The following LHFPL2 variants were observed in gnomAD, a reference collection of about 807,000 sequenced individuals.
The protein encoded by LHFPL2 is LHFPL tetraspan subfamily member 2.
A neutral mutation model predicts 17.5 loss-of-function variants in LHFPL2; 7 were observed. The ratio of observed to expected loss-of-function variants is 0.40; its 90% CI spans 0.23 to 0.75. The LOEUF is 0.75. LHFPL2 is among the 30% of genes least tolerant of loss of function. LHFPL2 has a pLI of 0.37. For synonymous variants in LHFPL2, 134 were observed against 116.2 expected (o/e 1.15, Z -0.99); for missense variants, 241 against 294.8 (o/e 0.82, Z 1.34).
At chr5:78,586,712 G>A (rs187230738) in intron 2 of LHFPL2, among the ~76,000 whole-genome samples, 9 of 151,956 alleles carry the variant, frequency 5.9e-5, no homozygotes, top group East Asian at 5.8e-4. Context: ...AAAACTTCCC[G>A]GTTTTTATAG....
intron 2 of LHFPL2, among the ~76,000 whole-genome samples, chr5:78,585,254 G>A (rs1441387037): frequency 2.1e-5 from 2 of 96,284 alleles, no homozygotes; most frequent in African/African-American, 7.5e-5. Context: ...TGATCCGCCC[G>A]CCTCGGCCTC....
intron 4 of LHFPL2, among the ~76,000 whole-genome samples, chr5:78,503,919 T>C (rs966644161): frequency 6.6e-6 from 1 of 152,234 alleles, no homozygotes; most frequent in African/African-American, 2.4e-5. Context: ...CAGCAAGTTG[T>C]AGACCTGCGT....
chr5:78,513,025 G>A (rs937994539), intron 3 of LHFPL2, among the ~76,000 whole-genome samples: 1 of 152,094 alleles, frequency 6.6e-6, no homozygotes, highest in African/African-American at 2.4e-5. Context: ...AAAGTGCTAG[G>A]ATTATAGGCG....
chr5:78,585,668 A>G (rs1743360671), intron 2 of LHFPL2, among the ~76,000 whole-genome samples: 1 of 152,106 alleles, frequency 6.6e-6, no homozygotes, highest in African/African-American at 2.4e-5. Context: ...GCACTAAAAC[A>G]ACCTCCACCT....
At chr5:78,630,644 C>T (rs997998200) in intron 2 of LHFPL2, among the ~76,000 whole-genome samples, 1 of 151,974 alleles carries the variant, frequency 6.6e-6, no homozygotes, top group African/African-American at 2.4e-5. Flanking sequence ...GCAGAAGAAA[C>T]CACGGGGAAG....
At position 78,636,968 on chromosome 5, in the gene LHFPL2, C is replaced by T. The variant is rs75230473; in HGVS notation, c.-349-4600G>A. On this transcript the variant is annotated intron_variant, in intron 1 of 4. Transcript: ENST00000380345. ...AGTATCTAGGAGGCCAAGAAATAAACAGGCAAGGGTGTCCCTCAGACATGG... is the reference window on the plus strand; with the variant it reads ...AGTATCTAGGAGGCCAAGAAATAAATAGGCAAGGGTGTCCCTCAGACATGG... Among the ~76,000 whole-genome samples the T allele has an allele frequency of 8.1e-4, 123 of 152,186 alleles. 1 individual carries two copies. The East Asian group carries it at 0.021, about 26-fold the overall frequency.
intron 3 of LHFPL2, among the ~76,000 whole-genome samples, chr5:78,561,638 T>A (rs1443449064): frequency 1.3e-5 from 2 of 152,354 alleles, no homozygotes; most frequent in Admixed American, 1.3e-4. Context: ...GTGGATATTT[T>A]TTCATGTCTG....
chr5:78,626,634 A>C (rs908933862), intron 2 of LHFPL2: 1 of 152,222 alleles, frequency 6.6e-6, no homozygotes, highest in Non-Finnish European at 1.5e-5. Context: ...ATCAACTGGC[A>C]GGGGAAAATA....
chr5:78,598,866 T>C (rs1743909538), intron 2 of LHFPL2, among the ~76,000 whole-genome samples: 1 of 152,258 alleles, frequency 6.6e-6, no homozygotes, highest in Non-Finnish European at 1.5e-5. Context: ...TTCCATGTTA[T>C]ATTTCAAATA....
chr5:78,645,026 T>G (rs1050774158), intron 1 of LHFPL2, among the ~76,000 whole-genome samples: 3 of 152,174 alleles, frequency 2.0e-5, no homozygotes, highest in Admixed American at 1.3e-4. Context: ...GAATACTTTC[T>G]AAAGTACAGA....
At chr5:78,539,058 C>A (rs1048892019) in intron 3 of LHFPL2, among the ~76,000 whole-genome samples, 5 of 152,180 alleles carry the variant, frequency 3.3e-5, no homozygotes, top group Non-Finnish European at 1.5e-5. Flanking sequence ...AAATCCCCCA[C>A]AAAATGGTAT....
chr5:78,497,381 G>A (rs1316545807), intron 4 of LHFPL2, among the ~76,000 whole-genome samples: 2 of 152,120 alleles, frequency 1.3e-5, no homozygotes, highest in African/African-American at 2.4e-5. Context: ...TCTCTCACCC[G>A]GGCTACACCT....
intron 4 of LHFPL2, chr5:78,494,505 T>C (rs1754544415): frequency 1.0e-6 from 1 of 985,184 alleles, no homozygotes; most frequent in Admixed American, 6.2e-5. Context: ...CTGCTGGCAA[T>C]GGGGGGATCA....
chr5:78,586,471 G>A (rs968591584), intron 2 of LHFPL2, among the ~76,000 whole-genome samples: 3 of 152,186 alleles, frequency 2.0e-5, no homozygotes, highest in African/African-American at 7.2e-5. Context: ...TGAAGCCCAG[G>A]CGCACTGAGT....
chr5:78,592,498 C>A (rs1336254383), intron 2 of LHFPL2, among the ~76,000 whole-genome samples: 1 of 152,182 alleles, frequency 6.6e-6, no homozygotes, highest in Non-Finnish European at 1.5e-5. Context: ...CTTCTCTCTC[C>A]ACCAAAGTTT....
At chr5:78,516,944 C>G (rs1755310510) in intron 3 of LHFPL2, among the ~76,000 whole-genome samples, 1 of 152,162 alleles carries the variant, frequency 6.6e-6, no homozygotes. Context: ...CCTTTCTTCA[C>G]CTACACCTGA....
rs1754344486 is a variant in LHFPL2 at position 78,488,950 on chromosome 5, C to T, written c.634G>A (p.Asp212Asn). ...SAQAEIATSSDKVQEEIEEGK... is the reference protein window; with the variant it reads ...SAQAEIATSSNKVQEEIEEGK... ...TCTTCAATTTCTTCCTGTACTTTGT[C>T]ACTAGAGGTTGCAATTTCTGCTTGT... is the stretch of plus-strand genomic sequence containing the variant. Residue 212 changes from aspartate (D) to asparagine (N), a missense_variant, in exon 5 of 5, where the codon GAC becomes AAC. Asp to Asn is a conservative substitution (Grantham distance 23, BLOSUM62 1). Coordinates refer to ENST00000380345, the MANE Select transcript of LHFPL2 (RefSeq NM_005779.3). 1 of 1,614,002 alleles carries T rather than the reference C, an allele frequency of 6.2e-7. No homozygotes were observed. Among genetic ancestry groups the T allele is most frequent in the African/African-American group, 1.3e-5 (1 of 74,912 alleles).
intron 2 of LHFPL2, among the ~76,000 whole-genome samples, chr5:78,623,449 A>G (rs1161606802): frequency 6.6e-6 from 1 of 152,222 alleles, no homozygotes; most frequent in Non-Finnish European, 1.5e-5. Flanking sequence ...ATAGACCCCC[A>G]TAGATTGCTT....
intron 3 of LHFPL2, among the ~76,000 whole-genome samples, chr5:78,516,819 C>A (rs934983428): frequency 6.6e-6 from 1 of 152,192 alleles, no homozygotes; most frequent in Non-Finnish European, 1.5e-5. Flanking sequence ...TGCCCTTGAG[C>A]CTGTCTTTCC....
Sources: allele counts gnomAD v4.1 joint callset (sites outside exome capture counted in the v4.1 genomes callset), GRCh38; gene constraint gnomAD v4.1.1; transcripts MANE v1.5; gene names NCBI Gene and HGNC (gene_info 2026-07-23, HGNC 2026-07-21).